PDZRN3: variants seen among roughly 807,000 people sequenced by gnomAD.
PDZRN3 encodes the protein PDZ domain containing ring finger 3.
A neutral mutation model predicts 85.7 loss-of-function variants in PDZRN3; 38 were observed. That is an observed-to-expected ratio of 0.44 (90% CI 0.34 to 0.58). The LOEUF (loss-of-function observed/expected upper bound fraction) is 0.58, where lower values mean the gene tolerates loss of function less well. Among genes scored for constraint, PDZRN3 ranks in the 20% least tolerant of loss-of-function variants. The pLI is 0.01. For synonymous variants in PDZRN3, 759 were observed against 638.0 expected (o/e 1.19, Z -2.86); for missense variants, 1,629 against 1,506.4 (o/e 1.08, Z -1.35).
intron 3 of PDZRN3, among the ~76,000 whole-genome samples, chr3:73,416,876 G>GTTTTTTTTTTTTTTTTTTTTTTTTTTGT (rs1702095825): frequency 9.1e-6 from 1 of 110,406 alleles, no homozygotes; most frequent in Non-Finnish European, 1.8e-5. Context: ...TTTTTTTTTG[G>GTTTTTTTTTTTTTTTTTTTTTTTTTTGT]TTTTTTTTTT....
At chr3:73,547,866 A>G (rs1233096890) in intron 3 of PDZRN3, among the ~76,000 whole-genome samples, 2 of 152,228 alleles carry the variant, frequency 1.3e-5, no homozygotes, top group Non-Finnish European at 2.9e-5. Flanking sequence ...TCCTGGTTCT[A>G]AGAAGAATGA....
intron 3 of PDZRN3, among the ~76,000 whole-genome samples, chr3:73,499,551 AC>A (rs1347161714): frequency 5.3e-5 from 8 of 152,206 alleles, no homozygotes; most frequent in African/African-American, 1.9e-4. Context: ...CTAGATATTA[AC>A]AACCACAAGT....
intron 3 of PDZRN3, among the ~76,000 whole-genome samples, chr3:73,507,279 C>T (rs1373574413): frequency 6.6e-6 from 1 of 152,182 alleles, no homozygotes; most frequent in Admixed American, 6.5e-5. Flanking sequence ...AGTGATTCTC[C>T]TCCCTCAGCC....
At chr3:73,448,575 A>G (rs746971635) in intron 3 of PDZRN3, among the ~76,000 whole-genome samples, 2 of 152,156 alleles carry the variant, frequency 1.3e-5, no homozygotes, top group Non-Finnish European at 1.5e-5. Context: ...AGAGCTAAAC[A>G]CTAATCTCAA....
At chr3:73,460,391 G>A (rs912124558) in intron 3 of PDZRN3, among the ~76,000 whole-genome samples, 1 of 152,116 alleles carries the variant, frequency 6.6e-6, no homozygotes, top group Non-Finnish European at 1.5e-5. Flanking sequence ...ATGGCTAAAA[G>A]TCAGTACAGA....
At chr3:73,475,418 T>A (rs1167050084) in intron 3 of PDZRN3, among the ~76,000 whole-genome samples, 1 of 152,158 alleles carries the variant, frequency 6.6e-6, no homozygotes, top group Non-Finnish European at 1.5e-5. Flanking sequence ...AATGAATAAT[T>A]CCTCCTCATG....
intron 3 of PDZRN3, among the ~76,000 whole-genome samples, chr3:73,488,203 G>A (rs1255221248): frequency 1.3e-5 from 2 of 152,122 alleles, no homozygotes; most frequent in Admixed American, 6.5e-5. Context: ...GGTTTCCTTG[G>A]GATTAAAGCC....
At chr3:73,618,977 GT>G (rs1354526759) in intron 1 of PDZRN3, among the ~76,000 whole-genome samples, 2 of 152,160 alleles carry the variant, frequency 1.3e-5, no homozygotes, top group African/African-American at 2.4e-5. Flanking sequence ...ATTTCAAAGT[GT>G]TTGGACATCT....
intron 3 of PDZRN3, among the ~76,000 whole-genome samples, chr3:73,422,782 A>T (rs1056421412): frequency 1.3e-5 from 2 of 152,218 alleles, no homozygotes; most frequent in African/African-American, 4.8e-5. Flanking sequence ...AGTTCAAGTT[A>T]ATTTAACTGG....
chr3:73,525,783 CT>C (rs1299046509), intron 3 of PDZRN3, among the ~76,000 whole-genome samples: 1 of 152,208 alleles, frequency 6.6e-6, no homozygotes, highest in Non-Finnish European at 1.5e-5. Context: ...GTCTCACCCC[CT>C]CAGCGAGGGC....
At chr3:73,427,489 C>T (rs946119924) in intron 3 of PDZRN3, among the ~76,000 whole-genome samples, 3 of 151,570 alleles carry the variant, frequency 2.0e-5, no homozygotes, top group Admixed American at 6.6e-5. Context: ...TATTAATGAA[C>T]ACAAGAGAAC....
At chr3:73,453,669 T>C (rs1263322231) in intron 3 of PDZRN3, among the ~76,000 whole-genome samples, 4 of 152,070 alleles carry the variant, frequency 2.6e-5, no homozygotes, top group South Asian at 4.1e-4. Context: ...GTTGATATTG[T>C]AATGCAAAAC....
chr3:73,614,153 C>T (rs1702726931), intron 1 of PDZRN3, among the ~76,000 whole-genome samples: 1 of 152,196 alleles, frequency 6.6e-6, no homozygotes, highest in African/African-American at 2.4e-5. Context: ...CAGCTTTCAA[C>T]TCAAGGTCTA....
chr3:73,501,278 ATCTC>A (rs1196346941), intron 3 of PDZRN3, among the ~76,000 whole-genome samples: 3 of 152,218 alleles, frequency 2.0e-5, no homozygotes, highest in African/African-American at 7.2e-5. Context: ...AGCTAGAGGC[ATCTC>A]TCTGAGTCCT....
chr3:73,401,101 A>G (rs779770743), intron 4 of PDZRN3, 92 bp from the exon 5 acceptor site: 7 of 917,896 alleles, frequency 7.6e-6, no homozygotes, highest in Middle Eastern at 2.1e-4. Context: ...CACAGTAGCA[A>G]TTCCCAGGGT....
chr3:73,398,402 A>AG (rs1387401269), intron 5 of PDZRN3, among the ~76,000 whole-genome samples: 1 of 152,202 alleles, frequency 6.6e-6, no homozygotes, highest in East Asian at 1.9e-4. Context: ...CCTGTAGGTC[A>AG]GGGGTCCTCT....
At chr3:73,456,207 T>C (rs1379787590) in intron 3 of PDZRN3, among the ~76,000 whole-genome samples, 2 of 149,774 alleles carry the variant, frequency 1.3e-5, no homozygotes, top group East Asian at 1.9e-4. Flanking sequence ...TGTGTGTGTG[T>C]GTGTGTGTGC....
chr3:73,532,871 T>C (rs1042680663), intron 3 of PDZRN3, among the ~76,000 whole-genome samples: 7 of 152,192 alleles, frequency 4.6e-5, no homozygotes, highest in African/African-American at 7.2e-5. Context: ...CTGATCTCAT[T>C]TCAAATTTAT....
intron 3 of PDZRN3, among the ~76,000 whole-genome samples, chr3:73,582,931 C>T (rs1168010673): frequency 6.6e-6 from 1 of 152,120 alleles, no homozygotes; most frequent in Non-Finnish European, 1.5e-5. Flanking sequence ...CCAGCTTATT[C>T]AGTGATACTT....
Sources: allele counts gnomAD v4.1 joint callset (sites outside exome capture counted in the v4.1 genomes callset), GRCh38; gene constraint gnomAD v4.1.1; transcripts MANE v1.5; gene names NCBI Gene and HGNC (gene_info 2026-07-23, HGNC 2026-07-21).